The following MAP4 variants were observed in gnomAD, a reference collection of about 807,000 sequenced individuals.
MAP4 encodes microtubule-associated protein 4.
In MAP4, 76 loss-of-function variants were observed where a neutral mutation model predicts 170.2. That is an observed-to-expected ratio of 0.45 (90% CI 0.37 to 0.54). The LOEUF (loss-of-function observed/expected upper bound fraction) is 0.54. Ranked by LOEUF, MAP4 falls within the 20% of genes least tolerant of loss-of-function variation. The pLI, the probability that MAP4 is intolerant of heterozygous loss-of-function variation, is 0.00. For synonymous variants in MAP4, 909 were observed against 994.5 expected, an observed-to-expected ratio of 0.91 and a Z score of 1.62; for missense variants, 2,506 against 2,748.0, an observed-to-expected ratio of 0.91 and a Z score of 1.97.
chr3:47,939,431 C>T (rs2100054954), intron 3 of MAP4, among the ~76,000 whole-genome samples: 1 of 152,134 alleles, frequency 6.6e-6, no homozygotes, highest in South Asian at 2.1e-4. Flanking sequence ...CTGCATGAGA[C>T]AGAATAGTAT....
At chr3:47,895,832 A>C (rs1429958368) in intron 10 of MAP4, among the ~76,000 whole-genome samples, 1 of 152,238 alleles carries the variant, frequency 6.6e-6, no homozygotes, top group Non-Finnish European at 1.5e-5. Flanking sequence ...AGAAGAATGA[A>C]GCTAGTCAGG....
At chr3:48,017,390 G>A (rs2154464245), upstream of MAP4, among the ~76,000 whole-genome samples, 1 of 152,164 alleles carries the variant, frequency 6.6e-6, no homozygotes. Context: ...TCTTCTGCAA[G>A]GAGGGAGGCA....
At chr3:48,039,473 A>G (rs904441052) in intron 1 of MAP4, 6 of 153,098 alleles carry the variant, frequency 3.9e-5, no homozygotes, top group African/African-American at 1.2e-4. Flanking sequence ...TCCTTCAGAT[A>G]GAGACAGCAC....
rs2081850572 is a variant in MAP4, at chr3:47,867,109, C to T, written c.6501+137G>A. On this transcript the variant is annotated intron_variant, in intron 17 of 20. Transcript: ENST00000683076. The stretch of plus-strand genomic sequence containing the variant: ...ACATGGGAGCATCAAGGTCCCCTCA[C>T]TTTGCTAGTCTGCTTCTTACAGAAC... 8 of 611,284 alleles carry T rather than the reference C, an allele frequency of 1.3e-5. No individual in the cohort carries two copies. In the Admixed American group the frequency reaches 2.3e-4, roughly 17 times the overall value. 37.9% of individuals were successfully genotyped at this position (611,284 alleles called of 1,614,324 possible). A position where few individuals can be genotyped will look rare whatever the true frequency, so the allele number is the denominator to read the frequency against.
At chr3:47,947,543 T>C (rs974368071) in intron 3 of MAP4, among the ~76,000 whole-genome samples, 2 of 151,674 alleles carry the variant, frequency 1.3e-5, no homozygotes, top group African/African-American at 4.8e-5. Flanking sequence ...CCGGGTGTGG[T>C]GGCTCATGCC....
intron 1 of MAP4, among the ~76,000 whole-genome samples, chr3:48,008,500 T>C (rs2100103621): frequency 6.6e-6 from 1 of 152,192 alleles, no homozygotes; most frequent in African/African-American, 2.4e-5. Context: ...GCCAGATGTG[T>C]GATTATATAC....
intron 1 of MAP4, among the ~76,000 whole-genome samples, chr3:48,052,904 CA>C (rs2100128673): frequency 1.3e-5 from 2 of 151,954 alleles, no homozygotes; most frequent in Non-Finnish European, 2.9e-5. Flanking sequence ...TAAATATGTT[CA>C]ATAACACATC....
At position 48,087,745 on chromosome 3, in the gene MAP4, G is replaced by GCGCACA. The variant is rs1491486983; in HGVS notation, c.-20+1027_-20+1028insTGTGCG. Reference sequence around the variant, plus strand: ...CACGCACGCGCACACACACGCACGCGCACACACACACACACACACACACAC... The same window carrying GCGCACA: ...CACGCACGCGCACACACACGCACGCGCGCACACACACACACACACACACACACACAC... On this transcript the variant is annotated intron_variant, in intron 1 of 18. Transcript: ENST00000360240. Among the ~76,000 whole-genome samples, 497 of 105,674 alleles carry GCGCACA rather than the reference G, an allele frequency of 4.7e-3. 2 individuals carry two copies. In the East Asian group the frequency reaches 0.048, roughly 10 times the overall value. The allele number at this position is 105,674 out of a possible 152,430, so 69.3% of individuals were successfully genotyped here.
chr3:48,051,271 G>C (rs975053840), intron 1 of MAP4, among the ~76,000 whole-genome samples: 2 of 152,062 alleles, frequency 1.3e-5, no homozygotes, highest in Non-Finnish European at 2.9e-5. Context: ...AAATTAGCTG[G>C]GTGTGGTGGT....
intron 1 of MAP4, among the ~76,000 whole-genome samples, chr3:48,074,313 T>TGGG (rs2100142549): frequency 1.6e-5 from 1 of 63,948 alleles, no homozygotes; most frequent in Non-Finnish European, 2.7e-5. Flanking sequence ...TGTCATGGGG[T>TGGG]GGGGGGAGGG....
intron 17 of MAP4, among the ~76,000 whole-genome samples, chr3:47,863,830 G>C (rs1007873980): frequency 2.0e-5 from 3 of 151,608 alleles, no homozygotes; most frequent in African/African-American, 7.3e-5. Context: ...TGTCTGTCGG[G>C]GGCATTTTTG....
At chr3:48,035,104 A>C (rs1410649479) in intron 1 of MAP4, among the ~76,000 whole-genome samples, 1 of 152,038 alleles carries the variant, frequency 6.6e-6, no homozygotes, top group Non-Finnish European at 1.5e-5. Flanking sequence ...TGTTTAATGC[A>C]AGAAAAAAAT....
chr3:47,867,129 C>A, intron 17 of MAP4, 117 bp downstream of exon 17: 1 of 689,318 alleles, frequency 1.5e-6, no homozygotes, highest in South Asian at 1.9e-5. Flanking sequence ...CTGCTTCTTA[C>A]AGAACGCTAC....
intron 1 of MAP4, among the ~76,000 whole-genome samples, chr3:48,052,227 G>T (rs1320103900): frequency 2.6e-5 from 4 of 152,016 alleles, no homozygotes; most frequent in Non-Finnish European, 5.9e-5. Context: ...GGGTTTTTTT[G>T]TTTTTGTTTT....
chr3:47,984,976 A>T (rs1157264570), intron 2 of MAP4, among the ~76,000 whole-genome samples: 1 of 151,410 alleles, frequency 6.6e-6, no homozygotes. Flanking sequence ...CTTAAAAAAA[A>T]TTAAAAAATA....
intron 10 of MAP4, among the ~76,000 whole-genome samples, chr3:47,878,002 T>C (rs1485696485): frequency 6.6e-6 from 1 of 152,202 alleles, no homozygotes; most frequent in African/African-American, 2.4e-5. Context: ...GAGATTAACC[T>C]GATCCAGTTC....
At chr3:48,030,832 G>T (rs1017871795) in intron 1 of MAP4, among the ~76,000 whole-genome samples, 2 of 149,212 alleles carry the variant, frequency 1.3e-5, no homozygotes, top group African/African-American at 5.0e-5. Context: ...AAAGATAGGG[G>T]TAACTCAATT....
At chr3:47,987,442 G>T in intron 2 of MAP4, 1 of 1,517,678 alleles carries the variant, frequency 6.6e-7, no homozygotes, top group South Asian at 1.2e-5. Flanking sequence ...GTCTAGAAGG[G>T]AAAGGGAACA....
At chr3:47,973,359 A>G (rs552208092) in intron 3 of MAP4, 1 of 985,420 alleles carries the variant, frequency 1.0e-6, no homozygotes, top group African/African-American at 1.7e-5. Flanking sequence ...CACCATTGAG[A>G]TACTGGACCA....
Sources: gnomAD v4.1 joint callset for allele counts (sites outside exome capture counted in the v4.1 genomes callset) on GRCh38, gnomAD v4.1.1 for gene constraint, MANE v1.5 for transcripts, NCBI Gene and HGNC (gene_info 2026-07-23, HGNC 2026-07-21) for gene names.